The following UGT2A2 variants were observed in gnomAD, a reference collection of about 807,000 sequenced individuals.
The protein encoded by UGT2A2 is UDP-glucuronosyltransferase 2A2.
A neutral mutation model predicts 50.7 loss-of-function variants in UGT2A2; 60 were observed. The observed-to-expected ratio is 1.18, with a 90% confidence interval of 0.96 to 1.47. UGT2A2 has a LOEUF of 1.47. Ranked by LOEUF, UGT2A2 falls within the 40% of genes most tolerant of loss-of-function variation. The pLI is 0.00. For missense variants in UGT2A2, 762 were observed against 634.0 expected (o/e 1.20, Z -2.17); for synonymous variants, 242 against 214.6 (o/e 1.13, Z -1.11).
At chr4:69,617,126 G>T (rs959869512) in intron 1 of UGT2A2, among the ~76,000 whole-genome samples, 4 of 151,834 alleles carry the variant, frequency 2.6e-5, no homozygotes, top group African/African-American at 9.7e-5. Flanking sequence ...ACTATTGTTA[G>T]TATTCAACAA....
At position 69,589,265 on chromosome 4, in the gene UGT2A2, A is replaced by G; in HGVS notation, c.*107T>C. The stretch of plus-strand genomic sequence containing the variant: ...GAGAAATAGAAAATTTGGAAACAGG[A>G]TGGGAGACGTGTTTTTGTTAAACTC... On this transcript the variant is annotated 3_prime_UTR_variant, in exon 6 of 6. Transcript: ENST00000604629. 2.2e-6 allele frequency: 3 copies of G among 1,351,984 alleles called. No individual in the cohort carries two copies. Among genetic ancestry groups the G allele is most frequent in the Non-Finnish European group, 2.9e-6 (3 of 1,025,954 alleles). 83.7% of individuals were successfully genotyped at this position (1,351,984 alleles called of 1,614,324 possible). A position where few individuals can be genotyped will look rare whatever the true frequency, so the allele number is the denominator to read the frequency against.
At chr4:69,596,151 T>C (rs975281501) in intron 3 of UGT2A2, 99 bp downstream of exon 3, 75 of 1,358,860 alleles carry the variant, frequency 5.5e-5, no homozygotes, top group Admixed American at 1.7e-4. Context: ...ATACTCAGTG[T>C]ATAATGAGTT....
At position 69,589,383 on chromosome 4, in the gene UGT2A2, T is replaced by A; in HGVS notation, c.1600A>T (p.Lys534Ter). ...QKFGKIGKKK[K>*]RE Reference sequence around the variant, plus strand: ...CTCTTTTTCTTGACCTATTCTCTTTTTTTCTTCTTTCCTATCTTACCAAAT... The same window carrying A: ...CTCTTTTTCTTGACCTATTCTCTTTATTTCTTCTTTCCTATCTTACCAAAT... Residue 534 changes from lysine (K) to a stop codon, truncating the protein, a stop_gained, in exon 6 of 6, where the codon AAA becomes TAA. Coordinates refer to ENST00000604629, the MANE Select transcript of UGT2A2 (RefSeq NM_001105677.2). LOFTEE classifies it high-confidence loss of function. 1 of 1,611,266 alleles carries A rather than the reference T, an allele frequency of 6.2e-7. No homozygotes were observed. Among genetic ancestry groups the A allele is most frequent in the Non-Finnish European group, 8.5e-7 (1 of 1,178,710 alleles).
At chr4:69,598,473 T>C (rs914101815) in intron 2 of UGT2A2, among the ~76,000 whole-genome samples, 3 of 152,248 alleles carry the variant, frequency 2.0e-5, no homozygotes, top group Admixed American at 6.5e-5. Context: ...TAGCATACAA[T>C]TTCCTTCTCA....
At chr4:69,634,148 G>A (rs1721544086) in intron 1 of UGT2A2, among the ~76,000 whole-genome samples, 1 of 152,114 alleles carries the variant, frequency 6.6e-6, no homozygotes, top group Non-Finnish European at 1.5e-5. Context: ...CGGAGGCTGA[G>A]GCAGGAGAAT....
intron 5 of UGT2A2, among the ~76,000 whole-genome samples, chr4:69,593,116 T>A (rs1718683531): frequency 6.6e-6 from 1 of 152,118 alleles, no homozygotes; most frequent in Admixed American, 6.5e-5. Flanking sequence ...CAGATAAAAG[T>A]CATTCTCATA....
chr4:69,638,473 T>G (rs1721844060), intron 1 of UGT2A2, among the ~76,000 whole-genome samples: 1 of 152,166 alleles, frequency 6.6e-6, no homozygotes, highest in East Asian at 1.9e-4. Flanking sequence ...TCCAGTTTTC[T>G]ATTGCCTGAT....
chr4:69,589,682 A>T (rs1718480393), intron 5 of UGT2A2, 31 bp from the exon 6 acceptor site: 1 of 1,565,700 alleles, frequency 6.4e-7, no homozygotes. Context: ...CAGAAATTAG[A>T]CAATTTTTGT....
At chr4:69,598,361 A>T (rs909742694) in intron 2 of UGT2A2, among the ~76,000 whole-genome samples, 1 of 152,148 alleles carries the variant, frequency 6.6e-6, no homozygotes, top group African/African-American at 2.4e-5. Context: ...AGTTAAATAC[A>T]TTGTTCCTAC....
chr4:69,589,757 C>T (rs1425684597), intron 5 of UGT2A2, 106 bp from the exon 6 acceptor site: 91 of 1,447,060 alleles, frequency 6.3e-5, no homozygotes, highest in East Asian at 9.4e-5. Context: ...GCCATAGTTA[C>T]GTGGAGAAAA....
At chr4:69,593,267 G>A (rs1273050019) in intron 5 of UGT2A2, among the ~76,000 whole-genome samples, 2 of 151,840 alleles carry the variant, frequency 1.3e-5, no homozygotes, top group Non-Finnish European at 2.9e-5. Context: ...CTAATTCAAC[G>A]GTGAACACTG....
chr4:69,620,636 T>A (rs1296509872), intron 1 of UGT2A2, among the ~76,000 whole-genome samples: 1 of 144,014 alleles, frequency 6.9e-6, no homozygotes, highest in African/African-American at 2.6e-5. Context: ...AAAACTATTT[T>A]AAAATATATA....
chr4:69,621,205 A>G, intron 1 of UGT2A2, among the ~76,000 whole-genome samples: 1 of 152,018 alleles, frequency 6.6e-6, no homozygotes, highest in East Asian at 1.9e-4. Flanking sequence ...TCAACAGTAA[A>G]CAGACAATCT....
At chr4:69,631,597 C>A (rs545477240) in intron 1 of UGT2A2, among the ~76,000 whole-genome samples, 1 of 152,058 alleles carries the variant, frequency 6.6e-6, no homozygotes, top group Non-Finnish European at 1.5e-5. Flanking sequence ...AGATGAGAAG[C>A]CATAACTTCA....
intron 1 of UGT2A2, among the ~76,000 whole-genome samples, chr4:69,622,773 A>G (rs990818476): frequency 1.1e-4 from 16 of 151,746 alleles, no homozygotes; most frequent in Admixed American, 5.9e-4. Flanking sequence ...CATGACCCAT[A>G]GGGTCAACAG....
intron 2 of UGT2A2, among the ~76,000 whole-genome samples, chr4:69,598,142 A>G (rs1719049868): frequency 6.6e-6 from 1 of 152,168 alleles, no homozygotes; most frequent in Non-Finnish European, 1.5e-5. Flanking sequence ...AACATTCACT[A>G]GAGCTTGCCT....
At chr4:69,636,924 T>A (rs1032586847) in intron 1 of UGT2A2, among the ~76,000 whole-genome samples, 1 of 152,280 alleles carries the variant, frequency 6.6e-6, no homozygotes, top group South Asian at 2.1e-4. Flanking sequence ...CAGTGGAACC[T>A]GAAGCCACAT....
At chr4:69,616,567 A>T (rs902476799) in intron 1 of UGT2A2, among the ~76,000 whole-genome samples, 9 of 152,000 alleles carry the variant, frequency 5.9e-5, no homozygotes, top group African/African-American at 2.2e-4. Flanking sequence ...CCCCACCAAC[A>T]AAAAGGAACT....
At chr4:69,607,218 GA>G (rs1719684968) in intron 1 of UGT2A2, among the ~76,000 whole-genome samples, 2 of 150,146 alleles carry the variant, frequency 1.3e-5, no homozygotes, top group Admixed American at 6.6e-5. Flanking sequence ...TACCAAAACA[GA>G]GATAAAGACC....
Sources: gnomAD v4.1 joint callset for allele counts (sites outside exome capture counted in the v4.1 genomes callset) on GRCh38, gnomAD v4.1.1 for gene constraint, MANE v1.5 for transcripts, NCBI Gene and HGNC (gene_info 2026-07-23, HGNC 2026-07-21) for gene names.